VWA8: variants seen among roughly 807,000 people sequenced by gnomAD.
The protein encoded by VWA8 is von Willebrand factor A domain-containing protein 8.
A neutral mutation model predicts 241.5 loss-of-function variants in VWA8; 221 were observed. That is an observed-to-expected ratio of 0.91 (90% CI 0.82 to 1.02). The LOEUF (loss-of-function observed/expected upper bound fraction) is 1.02. Among genes scored for constraint, VWA8 ranks in the 50% least tolerant of loss-of-function variants. The probability of loss-of-function intolerance (pLI) is 0.00; values close to 1 mark genes in which losing one functional copy is unlikely to be tolerated. For synonymous variants in VWA8, 852 were observed against 827.1 expected (o/e 1.03, Z -0.52); for missense variants, 2,322 against 2,328.7 (o/e 1.00, Z 0.06).
chr13:41,801,931 GATAAT>G (rs1334402981), intron 17 of VWA8, among the ~76,000 whole-genome samples: 2 of 152,148 alleles, frequency 1.3e-5, no homozygotes, highest in African/African-American at 4.8e-5. Flanking sequence ...GTCTAAATAA[GATAAT>G]ATATTAATGG....
intron 40 of VWA8, among the ~76,000 whole-genome samples, chr13:41,602,917 C>T (rs540774837): frequency 1.4e-4 from 21 of 152,202 alleles, no homozygotes; most frequent in South Asian, 4.1e-4. Flanking sequence ...TTTCTAAAGA[C>T]GGAAGTTCTA....
chr13:41,746,159 T>A (rs191352771), intron 21 of VWA8, among the ~76,000 whole-genome samples: 1 of 152,334 alleles, frequency 6.6e-6, no homozygotes, highest in Non-Finnish European at 1.5e-5. Flanking sequence ...AATTTGGATA[T>A]GTGTTATATA....
At chr13:41,922,013 C>A (rs1020200832) in intron 2 of VWA8, among the ~76,000 whole-genome samples, 2 of 152,300 alleles carry the variant, frequency 1.3e-5, no homozygotes, top group Non-Finnish European at 2.9e-5. Flanking sequence ...CTGGAGGCAT[C>A]ACACTACCTG....
intron 2 of VWA8, among the ~76,000 whole-genome samples, chr13:41,934,202 T>C (rs1877250355): frequency 1.3e-5 from 2 of 149,582 alleles, no homozygotes; most frequent in African/African-American, 2.5e-5. Flanking sequence ...AGATGATAAA[T>C]AAACACAGAA....
rs79270687 is a variant in VWA8, at chr13:41,776,382, A to T, written c.2349+1603T>A. On this transcript the variant is annotated intron_variant, in intron 20 of 44. Transcript: ENST00000379310. ...CCATTGTTTTTCAAAGTGTGATGAG[A>T]ATGTGACTTCCTGGGTTTCAATATC... Among the ~76,000 whole-genome samples, 1,126 of 152,296 alleles carry T rather than the reference A, an allele frequency of 7.4e-3. 23 individuals are homozygous for T. Among genetic ancestry groups the T allele is most frequent in the African/African-American group, 0.024 (1,003 of 41,546 alleles).
intron 12 of VWA8, among the ~76,000 whole-genome samples, chr13:41,856,838 TA>T (rs550321490): frequency 3.3e-3 from 441 of 132,424 alleles, no homozygotes; most frequent in South Asian, 4.9e-3. Context: ...AAATGAAAAT[TA>T]AAAAAAAAAA....
At chr13:41,632,544 A>C (rs947477188) in intron 37 of VWA8, among the ~76,000 whole-genome samples, 1 of 152,214 alleles carries the variant, frequency 6.6e-6, no homozygotes, top group African/African-American at 2.4e-5. Flanking sequence ...TTACAATGCT[A>C]TAGTCCCTCT....
intron 4 of VWA8, among the ~76,000 whole-genome samples, chr13:41,893,827 T>C (rs1384216528): frequency 1.3e-5 from 2 of 152,112 alleles, no homozygotes; most frequent in African/African-American, 2.4e-5. Flanking sequence ...GAGGTTGCAA[T>C]GAGCCAAGAT....
At chr13:41,652,609 T>C (rs1431982840) in intron 37 of VWA8, among the ~76,000 whole-genome samples, 1 of 152,132 alleles carries the variant, frequency 6.6e-6, no homozygotes, top group African/African-American at 2.4e-5. Context: ...ACAATCTACC[T>C]TATTTTATAA....
intron 26 of VWA8, among the ~76,000 whole-genome samples, chr13:41,717,478 T>C (rs977692658): frequency 2.6e-5 from 4 of 152,022 alleles, no homozygotes; most frequent in East Asian, 1.9e-4. Context: ...TGTTTCTCCA[T>C]GGCTGATCCA....
At chr13:41,758,899 T>C (rs917283141) in intron 21 of VWA8, among the ~76,000 whole-genome samples, 1 of 151,504 alleles carries the variant, frequency 6.6e-6, no homozygotes, top group Non-Finnish European at 1.5e-5. Context: ...TCTCAAATGA[T>C]TTTTCTGGTG....
At chr13:41,787,637 CTCCTT>C in intron 17 of VWA8, 94 bp from the exon 18 acceptor site, 4 of 770,666 alleles carry the variant, frequency 5.2e-6, no homozygotes, top group Admixed American at 2.2e-5. Context: ...CACACACACA[CTCCTT>C]ACTAATTACA....
intron 16 of VWA8, among the ~76,000 whole-genome samples, chr13:41,812,657 T>C (rs898235155): frequency 1.3e-5 from 2 of 152,180 alleles, no homozygotes; most frequent in Admixed American, 6.6e-5. Flanking sequence ...ATTTCACATC[T>C]CCATAAGATA....
At chr13:41,681,361 T>C (rs1323888016) in intron 35 of VWA8, among the ~76,000 whole-genome samples, 1 of 152,204 alleles carries the variant, frequency 6.6e-6, no homozygotes, top group East Asian at 1.9e-4. Context: ...AAAGCCTACC[T>C]TCCCATTTTC....
intron 27 of VWA8, among the ~76,000 whole-genome samples, chr13:41,702,313 T>G (rs1294156778): frequency 6.6e-6 from 1 of 152,204 alleles, no homozygotes; most frequent in Non-Finnish European, 1.5e-5. Context: ...TCTTGAGGGC[T>G]AGGGAGTAAG....
At chr13:41,777,949 T>C in intron 20 of VWA8, 36 bp downstream of exon 20, 3 of 1,543,446 alleles carry the variant, frequency 1.9e-6, no homozygotes, top group Non-Finnish European at 2.6e-6. Context: ...TTACTATCAT[T>C]TTTTCATTGG....
chr13:41,855,386 T>A (rs1258275861), intron 12 of VWA8, among the ~76,000 whole-genome samples: 4 of 145,188 alleles, frequency 2.8e-5, no homozygotes, highest in Non-Finnish European at 6.0e-5. Context: ...TAAAATATAT[T>A]TATATATAAA....
chr13:41,855,918 A>AGTTTTAACAAAG (rs1332496147), intron 12 of VWA8, among the ~76,000 whole-genome samples: 1 of 152,216 alleles, frequency 6.6e-6, no homozygotes, highest in Non-Finnish European at 1.5e-5. Context: ...AGAGTTGAGA[A>AGTTTTAACAAAG]GTTTTAACAA....
chr13:41,769,765 G>A (rs541044134), intron 20 of VWA8, among the ~76,000 whole-genome samples: 1 of 152,124 alleles, frequency 6.6e-6, no homozygotes, highest in South Asian at 2.1e-4. Flanking sequence ...GTGAAAGGTG[G>A]AAAATAAAAA....
Sources: allele counts gnomAD v4.1 joint callset (sites outside exome capture counted in the v4.1 genomes callset), GRCh38; gene constraint gnomAD v4.1.1; transcripts MANE v1.5; gene names NCBI Gene and HGNC (gene_info 2026-07-23, HGNC 2026-07-21).